The following SLC16A5 variants were observed in gnomAD, a reference collection of about 807,000 sequenced individuals.
SLC16A5 encodes the protein solute carrier family 16 member 5.
Under a neutral mutation model 33.2 loss-of-function variants are expected in SLC16A5, and 29 were observed. The observed-to-expected ratio is 0.87, with a 90% CI of 0.65 to 1.19. The LOEUF is 1.19. Ranked by LOEUF, SLC16A5 falls within the 50% of genes most tolerant of loss-of-function variation. SLC16A5 has a pLI of 0.00. For missense variants in SLC16A5, 606 were observed against 678.2 expected, an observed-to-expected ratio of 0.89 and a Z score of 1.18; for synonymous variants, 248 against 284.1, an observed-to-expected ratio of 0.87 and a Z score of 1.28.
At position 75,098,070 on chromosome 17, in the gene SLC16A5, G is replaced by A. The variant is rs201325289; in HGVS notation, c.232G>A (p.Gly78Ser). 299 of 1,607,564 alleles carry A rather than the reference G, an allele frequency of 1.9e-4. No homozygotes were observed. Among genetic ancestry groups the A allele is most frequent in the South Asian group, 4.2e-4 (38 of 90,218 alleles). The part of the protein sequence containing the change: ...PLCSILVGRF[G>S]CRVTVMLGGV... ...GTGCAGCATCCTGGTGGGACGCTTCGGCTGCCGAGTGACCGTGATGCTGGG... is the reference window on the plus strand; with the variant it reads ...GTGCAGCATCCTGGTGGGACGCTTCAGCTGCCGAGTGACCGTGATGCTGGG... Residue 78 changes from glycine (G) to serine (S), a missense_variant, in exon 4 of 7, where the codon GGC becomes AGC. Gly to Ser is a moderately conservative substitution (Grantham distance 56). Transcript: ENST00000329783.
intron 6 of SLC16A5, chr17:75,104,804 T>C (rs915150514): frequency 2.0e-6 from 2 of 985,182 alleles, no homozygotes; most frequent in African/African-American, 3.5e-5. Flanking sequence ...CTCCGGACTT[T>C]TTTCCTTGGG....
rs550133002 is a variant in SLC16A5 at position 75,096,464 on chromosome 17, C to T, written c.200-1574C>T. Among the ~76,000 whole-genome samples the T allele has an allele frequency of 9.7e-4, 147 of 151,404 alleles. 4 individuals are homozygous for T. Among genetic ancestry groups the T allele is most frequent in the African/African-American group, 3.3e-3 (137 of 40,942 alleles). On this transcript the variant is annotated intron_variant, in intron 3 of 6. Transcript: ENST00000329783. ...TCCCCCTCTACAGGGGCAGAGACGC[C>T]GGGCCACCAGCCTCTGCTTGATTAT...
chr17:75,099,864 TG>T, intron 4 of SLC16A5, 142 bp from the exon 5 acceptor site: 3 of 789,272 alleles, frequency 3.8e-6, no homozygotes, highest in Non-Finnish European at 5.9e-6. Flanking sequence ...GCTGATTCCA[TG>T]GTCAGTCCCC....
At chr17:75,088,258 C>G (rs2073594129) in intron 1 of SLC16A5, among the ~76,000 whole-genome samples, 3 of 152,306 alleles carry the variant, frequency 2.0e-5, no homozygotes, top group South Asian at 4.1e-4. Flanking sequence ...CGCTCGGACT[C>G]CTGGCCCGAA....
At chr17:75,109,974 C>G (rs1053970583), downstream of SLC16A5, 49 of 315,390 alleles carry the variant, frequency 1.6e-4, 1 homozygote, top group African/African-American at 1.0e-3. The surrounding 1 kb of genome is among the most constrained non-coding windows in gnomAD (Gnocchi z 5.0). Flanking sequence ...AGCCCGGAAC[C>G]GAGCCCAGGA....
intron 5 of SLC16A5, 129 bp from the exon 6 acceptor site, chr17:75,103,841 G>A (rs1280436469): frequency 1.3e-6 from 1 of 758,672 alleles, no homozygotes; most frequent in Non-Finnish European, 2.2e-6. Context: ...TCTGTTGAGT[G>A]TCTACTGGGT....
chr17:75,104,473 G>A, intron 6 of SLC16A5: 1 of 1,160,080 alleles, frequency 8.6e-7, no homozygotes, highest in South Asian at 2.0e-5. Context: ...AGGCTGGAGT[G>A]CAGTGGCACC....
In SLC16A5 at chr17:75,098,080, T is replaced by A. The variant is rs1464139385; in HGVS notation, c.242T>A (p.Val81Glu). Reference sequence around the variant, plus strand: ...CTGGTGGGACGCTTCGGCTGCCGAGTGACCGTGATGCTGGGGGGCGTGCTG... The same window carrying A: ...CTGGTGGGACGCTTCGGCTGCCGAGAGACCGTGATGCTGGGGGGCGTGCTG... ...SILVGRFGCRVTVMLGGVLAS... is the reference protein window; with the variant it reads ...SILVGRFGCRETVMLGGVLAS... Residue 81 changes from valine (V) to glutamate (E), a missense_variant, in exon 4 of 7, where the codon GTG becomes GAG. Coordinates refer to ENST00000329783, the MANE Select transcript of SLC16A5 (RefSeq NM_004695.4). The A allele has an allele frequency of 2.5e-6, 4 of 1,608,792 alleles. No homozygotes were observed. Among genetic ancestry groups the A allele is most frequent in the Middle Eastern group, 1.7e-4 (1 of 6,052 alleles).
rs199822441 is a variant in SLC16A5, at chr17:75,097,990, C to T, written c.200-48C>T. 1.1e-3 allele frequency: 1,757 copies of T among 1,555,360 alleles called. 25 individuals are homozygous for T. In the East Asian group the frequency reaches 0.025, roughly 22 times the overall value. ...CTCTCCAGCCACTCTCCTCCTCTCC[C>T]GCCACCTCCTCATTCAGCTGCTACC... On this transcript the variant is annotated intron_variant, in intron 3 of 6. Coordinates refer to ENST00000329783, the MANE Select transcript of SLC16A5 (RefSeq NM_004695.4).
downstream of SLC16A5, among the ~76,000 whole-genome samples, chr17:75,108,239 T>C (rs2073877855): frequency 6.6e-6 from 1 of 152,174 alleles, no homozygotes; most frequent in Non-Finnish European, 1.5e-5. Flanking sequence ...TGGAGCTTAC[T>C]TCCATCCTCC....
chr17:75,095,490 GTTTA>G (rs765019546), intron 3 of SLC16A5, among the ~76,000 whole-genome samples: 48 of 152,090 alleles, frequency 3.2e-4, no homozygotes, highest in Non-Finnish European at 4.4e-4. Flanking sequence ...TTTATTTTAT[GTTTA>G]TTTATTTATT....
In SLC16A5 at chr17:75,104,067, C is replaced by T. The variant is rs766274425; in HGVS notation, c.1251C>T (p.Tyr417=). The T allele has an allele frequency of 8.7e-6, 14 of 1,614,220 alleles. No homozygotes were observed. Among genetic ancestry groups the T allele is most frequent in the Admixed American group, 1.7e-5 (1 of 60,016 alleles). ...SAALFMGGSF[Y]ALQKKEQGKQ... ...CCCTCTTCATGGGTGGCAGCTTCTACGCCCTGCAGAAGAAGGAGCAAGGCA... is the reference window on the plus strand; with the variant it reads ...CCCTCTTCATGGGTGGCAGCTTCTATGCCCTGCAGAAGAAGGAGCAAGGCA... Residue 417 remains tyrosine (Y), a synonymous_variant, in exon 6 of 7, where the codon TAC becomes TAT. Transcript: ENST00000329783.
chr17:75,107,753 A>C (rs112262338), downstream of SLC16A5, among the ~76,000 whole-genome samples: 6,968 of 152,292 alleles, frequency 0.046, 543 homozygotes, highest in African/African-American at 0.16. Flanking sequence ...CCTGGCTAAC[A>C]CGGTGAAACC....
rs2073771710 is a variant in SLC16A5 at position 75,100,117 on chromosome 17, A to G, written c.454A>G (p.Ile152Val). 1 of 1,614,104 alleles carries G rather than the reference A, an allele frequency of 6.2e-7. No individual in the cohort carries two copies. The highest frequency in any genetic ancestry group is 1.3e-5 in the African/African-American group (1 of 75,046). The change falls in exon 5 of 7, where the codon ATC becomes GTC. Residue 152 changes from isoleucine (I) to valine (V), a missense_variant. Ile to Val is a conservative substitution (Grantham distance 29). Transcript: ENST00000329783. ...ALASMGVSLG[I>V]TLWPLLSRYL... is the part of the protein sequence containing the mutation. ...GGCCTCGATGGGCGTCTCCCTGGGC[A>G]TCACCCTCTGGCCGCTGCTCTCCCG...
chr17:75,110,006 C>A (rs901163750), downstream of SLC16A5: 7 of 372,620 alleles, frequency 1.9e-5, no homozygotes, highest in East Asian at 3.6e-4. Context: ...TGCGCCAGTG[C>A]CCCCTCCGCG....
At chr17:75,092,716 CTGTG>C (rs934949268) in intron 2 of SLC16A5, among the ~76,000 whole-genome samples, 11 of 151,378 alleles carry the variant, frequency 7.3e-5, no homozygotes, top group African/African-American at 2.4e-4. Flanking sequence ...GTGTGTGTCT[CTGTG>C]TGTGTGCGTG....
chr17:75,105,367 C>T, intron 6 of SLC16A5: 1 of 985,406 alleles, frequency 1.0e-6, no homozygotes, highest in East Asian at 1.1e-4. Context: ...GAAGGCTTGC[C>T]AGGCAGCCCG....
intron 2 of SLC16A5, among the ~76,000 whole-genome samples, chr17:75,091,076 A>G (rs1033195427): frequency 1.3e-5 from 2 of 151,998 alleles, no homozygotes; most frequent in African/African-American, 4.8e-5. Flanking sequence ...GGCCTCCCAA[A>G]TGCTACCAGG....
At chr17:75,099,892 G>A in intron 4 of SLC16A5, 115 bp from the exon 5 acceptor site, 2 of 986,794 alleles carry the variant, frequency 2.0e-6, no homozygotes. Flanking sequence ...TTGGAGCTGG[G>A]TATGGACTAG....
Sources: gnomAD v4.1 joint callset for allele counts (sites outside exome capture counted in the v4.1 genomes callset) on GRCh38, gnomAD v4.1.1 for gene constraint, Gnocchi (gnomAD v3.1) non-coding constraint, MANE v1.5 for transcripts, NCBI Gene and HGNC (gene_info 2026-07-23, HGNC 2026-07-21) for gene names.